Variants in ASXL2 observed in about 807,000 individuals in gnomAD.
ASXL2 encodes putative Polycomb group protein ASXL2.
In ASXL2, 23 loss-of-function variants were observed where a neutral mutation model predicts 122.0. That is an observed-to-expected ratio of 0.19 (90% CI 0.14 to 0.27). ASXL2 has a LOEUF of 0.27. ASXL2 is among the 10% of genes least tolerant of loss of function. The pLI is 1.00. For synonymous variants in ASXL2, 650 were observed against 637.0 expected, an observed-to-expected ratio of 1.02 and a Z score of -0.31; for missense variants, 1,518 against 1,713.8, an observed-to-expected ratio of 0.89 and a Z score of 2.02.
intron 1 of ASXL2, among the ~76,000 whole-genome samples, chr2:25,850,564 C>CCACA (rs2089703293): frequency 6.6e-6 from 1 of 152,140 alleles, no homozygotes; most frequent in African/African-American, 2.4e-5. Flanking sequence ...ATACTTCCTA[C>CCACA]CACACCACAT....
chr2:25,771,592 C>T, intron 5 of ASXL2, 52 bp from the exon 6 acceptor site: 1 of 1,416,584 alleles, frequency 7.1e-7, no homozygotes, highest in Non-Finnish European at 9.8e-7. Context: ...AGATACCAAG[C>T]ACCATTCCTT....
At chr2:25,799,317 AG>A (rs2088960065) in intron 5 of ASXL2, 67 bp downstream of exon 5, 1 of 1,606,236 alleles carries the variant, frequency 6.2e-7, no homozygotes, top group Non-Finnish European at 8.5e-7. Context: ...CTGGGAAAAG[AG>A]GAACTACTAA....
intron 5 of ASXL2, among the ~76,000 whole-genome samples, chr2:25,777,437 C>T (rs1262668339): frequency 2.0e-5 from 3 of 151,804 alleles, no homozygotes; most frequent in African/African-American, 2.4e-5. Context: ...GCCAGGAGTT[C>T]GACACCAGCC....
intron 3 of ASXL2, among the ~76,000 whole-genome samples, chr2:25,829,951 G>T (rs1207730669): frequency 6.6e-6 from 1 of 152,172 alleles, no homozygotes; most frequent in East Asian, 1.9e-4. Context: ...GTCCCCACAG[G>T]CTGAAGACTC....
At chr2:25,804,624 G>A (rs2089052508) in intron 4 of ASXL2, among the ~76,000 whole-genome samples, 1 of 152,158 alleles carries the variant, frequency 6.6e-6, no homozygotes, top group Non-Finnish European at 1.5e-5. Flanking sequence ...TCCAGCCTGG[G>A]TTTCCTTAGA....
intron 2 of ASXL2, among the ~76,000 whole-genome samples, chr2:25,839,213 T>C (rs188495109): frequency 3.3e-5 from 5 of 152,360 alleles, no homozygotes; most frequent in Admixed American, 1.3e-4. Context: ...TTGGTATTTA[T>C]GTAACAAACA....
rs1197087121 is a variant in ASXL2 at position 25,741,442 on chromosome 2, A to T, written c.*587T>A. On this transcript the variant is annotated 3_prime_UTR_variant, in exon 13 of 13. Coordinates refer to ENST00000435504, the MANE Select transcript of ASXL2 (RefSeq NM_018263.6). ...GTCTGAAACACTACCTGTGAAATGA[A>T]TTCCTTACCAAAAATTTCAATTTAA... 4.3e-6 allele frequency: 1 copy of T among 229,912 alleles called. No homozygotes were observed. Among genetic ancestry groups the T allele is most frequent in the Non-Finnish European group, 8.6e-6 (1 of 116,110 alleles). 14.2% of individuals were successfully genotyped at this position (229,912 alleles called of 1,614,324 possible). A position where few individuals can be genotyped will look rare whatever the true frequency, so the allele number is the denominator to read the frequency against.
Position 25,743,065 on chromosome 2 carries a change from G to A in ASXL2, c.3272C>T (p.Ala1091Val), listed in dbSNP as rs781151810. Residue 1091 changes from alanine to valine, a missense_variant, in exon 13 of 13, where the codon GCT becomes GTT. Coordinates refer to ENST00000435504, the MANE Select transcript of ASXL2 (RefSeq NM_018263.6). The part of the protein sequence containing the change: ...SVVPPSQFNF[A>V]HSGFQLEDIS... ...GTCTTCCAGCTGGAAACCTGAGTGA[G>A]CGAAGTTGAACTGTGAGGGCGGCAC... 3.4e-5 allele frequency: 55 copies of A among 1,613,906 alleles called. No individual in the cohort carries two copies. The highest frequency in any genetic ancestry group is 4.5e-5 in the Non-Finnish European group (53 of 1,179,904).
chr2:25,745,050 A>T (rs963341484), intron 12 of ASXL2, among the ~76,000 whole-genome samples: 5 of 151,948 alleles, frequency 3.3e-5, no homozygotes, highest in African/African-American at 7.3e-5. Flanking sequence ...TGTGATCTAT[A>T]GGAGCCCCCA....
At position 25,749,825 on chromosome 2, in the gene ASXL2, G is replaced by A. The variant is rs1303621951; in HGVS notation, c.1731C>T (p.Ala577=). 1 of 1,610,164 alleles carries A rather than the reference G, an allele frequency of 6.2e-7. No individual in the cohort carries two copies. The highest frequency in any genetic ancestry group is 1.3e-5 in the African/African-American group (1 of 74,502). The part of the protein sequence containing the change: ...KRKSSLTQEE[A]PVSWEKRPRV... ...GTGGCCTCTTCTCCCAGCTCACAGG[G>A]GCCTCTTCTTGGGTGAGGGAAGACT... The change falls in exon 12 of 13, where the codon GCC becomes GCT. Residue 577 remains alanine (A), a synonymous_variant. Transcript: ENST00000435504.
rs1000478078 is a variant in ASXL2, at chr2:25,739,586, T to C, written c.*2443A>G. Reference sequence around the variant, plus strand: ...TCCTAAATGCAAATATTTAGCTGAGTATTATTTGTTAAGATAATCTAGTGA... The same window carrying C: ...TCCTAAATGCAAATATTTAGCTGAGCATTATTTGTTAAGATAATCTAGTGA... On this transcript the variant is annotated 3_prime_UTR_variant, in exon 13 of 13. Transcript: ENST00000435504. 5.1e-5 allele frequency: 10 copies of C among 194,246 alleles called. No individual in the cohort carries two copies. Among genetic ancestry groups the C allele is most frequent in the Non-Finnish European group, 1.1e-4 (10 of 93,362 alleles). 12.0% of individuals were successfully genotyped at this position (194,246 alleles called of 1,614,324 possible). A position where few individuals can be genotyped will look rare whatever the true frequency, so the allele number is the denominator to read the frequency against.
chr2:25,777,231 G>T (rs72799678), intron 5 of ASXL2, among the ~76,000 whole-genome samples: 22,736 of 151,986 alleles, frequency 0.15, 2,155 homozygotes, highest in Non-Finnish European at 0.22. Flanking sequence ...GGGACCACAG[G>T]TATGTGTTAT....
intron 3 of ASXL2, among the ~76,000 whole-genome samples, chr2:25,811,203 T>C (rs1017597502): frequency 3.3e-5 from 5 of 151,562 alleles, no homozygotes; most frequent in African/African-American, 7.3e-5. Flanking sequence ...CAGTGAGCCA[T>C]GATCACACCA....
chr2:25,868,332 G>A (rs183914287), intron 1 of ASXL2, among the ~76,000 whole-genome samples: 34 of 152,342 alleles, frequency 2.2e-4, no homozygotes, highest in African/African-American at 7.7e-4. Context: ...GGCTGTGAAC[G>A]CCATGAAAGT....
chr2:25,840,805 T>C (rs2089570667), intron 2 of ASXL2, among the ~76,000 whole-genome samples: 1 of 152,184 alleles, frequency 6.6e-6, no homozygotes, highest in Admixed American at 6.5e-5. Flanking sequence ...TTTAATAAAT[T>C]TTAAAATCAA....
chr2:25,781,414 A>G (rs2088635087), intron 5 of ASXL2, among the ~76,000 whole-genome samples: 1 of 151,880 alleles, frequency 6.6e-6, no homozygotes, highest in Admixed American at 6.6e-5. Flanking sequence ...AAAAGAAAAG[A>G]AAAAAAACAG....
chr2:25,875,788 T>A (rs1398971632), intron 1 of ASXL2, among the ~76,000 whole-genome samples: 1 of 152,212 alleles, frequency 6.6e-6, no homozygotes, highest in Non-Finnish European at 1.5e-5. Context: ...GACATCCTAA[T>A]GCCTAAGAAA....
rs961802540 is a variant in ASXL2, at chr2:25,738,022, C to T, written c.*4007G>A. The stretch of plus-strand genomic sequence containing the variant: ...TTCTTTTAAAATAAAAAATAAACCC[C>T]AAAACTATTCCCCTTATTGCATTTT... On this transcript the variant is annotated 3_prime_UTR_variant, in exon 13 of 13. Coordinates refer to ENST00000435504, the MANE Select transcript of ASXL2 (RefSeq NM_018263.6). 16 of 152,014 alleles carry T rather than the reference C, an allele frequency of 1.1e-4. No individual in the cohort carries two copies. Among genetic ancestry groups the T allele is most frequent in the African/African-American group, 3.6e-4 (15 of 41,400 alleles). The allele number at this position is 152,014 out of a possible 1,614,324, so 9.4% of individuals were successfully genotyped here.
At chr2:25,842,112 CA>C (rs1358415847) in intron 2 of ASXL2, among the ~76,000 whole-genome samples, 10 of 102,632 alleles carry the variant, frequency 9.7e-5, no homozygotes, top group African/African-American at 7.3e-5. Flanking sequence ...AACTCTGTCT[CA>C]AAAAAAAAAG....
Sources: gnomAD v4.1 joint callset for allele counts (sites outside exome capture counted in the v4.1 genomes callset) on GRCh38, gnomAD v4.1.1 for gene constraint, MANE v1.5 for transcripts, NCBI Gene and HGNC (gene_info 2026-07-23, HGNC 2026-07-21) for gene names.